ARHGEF2: variants seen among roughly 807,000 people sequenced by gnomAD.
ARHGEF2 encodes Rho/Rac guanine nucleotide exchange factor 2, also known as rho guanine nucleotide exchange factor 2.
In ARHGEF2, 22 loss-of-function variants were observed where a neutral mutation model predicts 121.0. The ratio of observed to expected loss-of-function variants is 0.18; its 90% CI spans 0.13 to 0.26. ARHGEF2 has a LOEUF of 0.26. Among genes scored for constraint, ARHGEF2 ranks in the 10% least tolerant of loss-of-function variants. The pLI, the probability that ARHGEF2 is intolerant of heterozygous loss-of-function variation, is 1.00. For synonymous variants in ARHGEF2, 487 were observed against 530.0 expected (o/e 0.92, Z 1.11); for missense variants, 907 against 1,336.0 (o/e 0.68, Z 5.01).
At position 155,978,441 on chromosome 1, in the gene ARHGEF2, G is replaced by C. The variant is rs775452481; in HGVS notation, c.-14C>G. 6.8e-7 allele frequency: 1 copy of C among 1,474,946 alleles called. No homozygotes were observed. Among genetic ancestry groups the C allele is most frequent in the Non-Finnish European group, 9.1e-7 (1 of 1,097,726 alleles). The allele number at this position is 1,474,946 out of a possible 1,614,324, so 91.4% of individuals were successfully genotyped here. A position where few individuals can be genotyped will look rare whatever the true frequency, so the allele number is the denominator to read the frequency against. On this transcript the variant is annotated 5_prime_UTR_variant, in exon 1 of 22. Transcript: ENST00000361247. This position sits in a 1 kb window ranked among gnomAD's most constrained non-coding sequence, Gnocchi z 4.1. ...GATCCGAGACATAATCGGACGGGGG[G>C]ACCAGGGAGGACGCGGCGCGGACCC...
intron 7 of ARHGEF2, among the ~76,000 whole-genome samples, chr1:155,964,167 A>AAATAT (rs1553244640): frequency 5.5e-5 from 5 of 91,212 alleles, no homozygotes; most frequent in African/African-American, 2.4e-4. Context: ...AAAAAAAAAA[A>AAATAT]ATATATATAT....
chr1:155,960,063 A>G (rs2102654017), intron 11 of ARHGEF2, among the ~76,000 whole-genome samples: 1 of 152,104 alleles, frequency 6.6e-6, no homozygotes, highest in East Asian at 1.9e-4. Flanking sequence ...CCCTGCTTCA[A>G]TTTCTTTCTC....
At position 155,947,471 on chromosome 1, in the gene ARHGEF2, G is replaced by A. The variant is rs900756421; in HGVS notation, c.*471C>T. On this transcript the variant is annotated 3_prime_UTR_variant, in exon 22 of 22. Transcript: ENST00000361247. ...TGCCCACAGCCCTCCTTTATTTAAA[G>A]GGCAGTAGGGTGCTGTGGCTGCAGC... is the stretch of plus-strand genomic sequence containing the variant. 2.2e-6 allele frequency: 1 copy of A among 454,462 alleles called. No homozygotes were observed. Among genetic ancestry groups the A allele is most frequent in the Non-Finnish European group, 4.4e-6 (1 of 225,904 alleles). 28.2% of individuals were successfully genotyped at this position (454,462 alleles called of 1,614,324 possible). A position where few individuals can be genotyped will look rare whatever the true frequency, so the allele number is the denominator to read the frequency against.
chr1:155,978,411 G>A lies in ARHGEF2; in HGVS notation c.17C>T (p.Ser6Phe). The change falls in exon 1 of 22, where the codon TCC (serine) becomes TTC (phenylalanine). Residue 6 changes from serine (S) to phenylalanine (F), a missense_variant. Around this residue, in one of 2 missense-constraint regions of ARHGEF2, gnomAD observed 475 missense variants for 776.5 expected, o/e 0.61. Transcript: ENST00000361247. This position sits in a 1 kb window ranked among gnomAD's most constrained non-coding sequence, Gnocchi z 4.1. Reference sequence around the variant, plus strand: ...CCGGTCGATCCGCGCCCGCGTGAGGGATTCGATCCGAGACATAATCGGACG... The same window carrying A: ...CCGGTCGATCCGCGCCCGCGTGAGGAATTCGATCCGAGACATAATCGGACG... MSRIE[S>F]LTRARIDRSR... 6.6e-7 allele frequency: 1 copy of A among 1,516,280 alleles called. No individual in the cohort carries two copies. Among genetic ancestry groups the A allele is most frequent in the Non-Finnish European group, 8.9e-7 (1 of 1,122,610 alleles). 93.9% of individuals were successfully genotyped at this position (1,516,280 alleles called of 1,614,324 possible). A position where few individuals can be genotyped will look rare whatever the true frequency, so the allele number is the denominator to read the frequency against.
At chr1:155,958,271 G>T in intron 12 of ARHGEF2, 49 bp downstream of exon 12, 1 of 1,521,554 alleles carries the variant, frequency 6.6e-7, no homozygotes, top group South Asian at 1.1e-5. Context: ...AGCAAGAAGA[G>T]ACTAAAACAC....
intron 1 of ARHGEF2, among the ~76,000 whole-genome samples, chr1:155,975,865 G>C (rs1681210503): frequency 6.6e-6 from 1 of 152,158 alleles, no homozygotes; most frequent in Non-Finnish European, 1.5e-5. Context: ...GGGAAGAACA[G>C]GGGACTAAAG....
chr1:155,968,945 A>G (rs374550417), intron 2 of ARHGEF2: 3 of 588,142 alleles, frequency 5.1e-6, no homozygotes, highest in South Asian at 2.2e-5. Context: ...CCACATTCCC[A>G]GATAGTCCGG....
At chr1:155,949,370 A>G (rs1216807910) in intron 21 of ARHGEF2, among the ~76,000 whole-genome samples, 1 of 152,172 alleles carries the variant, frequency 6.6e-6, no homozygotes, top group Non-Finnish European at 1.5e-5. Flanking sequence ...TCATGAGGTC[A>G]AGAGATTGAG....
chr1:155,964,484 GAC>G (rs1216979430), intron 7 of ARHGEF2, among the ~76,000 whole-genome samples: 1 of 151,902 alleles, frequency 6.6e-6, no homozygotes, highest in East Asian at 1.9e-4. Flanking sequence ...AAAGACTGAA[GAC>G]AGAGATAAAG....
upstream of ARHGEF2, chr1:155,979,195 A>G (rs1572224691): frequency 7.1e-6 from 7 of 984,918 alleles, no homozygotes; most frequent in Admixed American, 1.8e-4. Flanking sequence ...GGCCTTCCTG[A>G]CCCCACTCTG....
Position 155,951,616 on chromosome 1 carries a change from A to C in ARHGEF2, c.2209-83T>G. 6.2e-7 allele frequency: 1 copy of C among 1,608,256 alleles called. No individual in the cohort carries two copies. Among genetic ancestry groups the C allele is most frequent in the Non-Finnish European group, 8.5e-7 (1 of 1,174,806 alleles). ...AAGTTGAACAAGGGTGGGTGTGGGG[A>C]CAGTAGGATCCGGAGACATACTTGA... On this transcript the variant is annotated intron_variant, in intron 18 of 21. Coordinates refer to ENST00000361247, the MANE Select transcript of ARHGEF2 (RefSeq NM_001162383.2). The surrounding 1 kb of genome is among the most constrained non-coding windows in gnomAD (Gnocchi z 5.1).
intron 11 of ARHGEF2, among the ~76,000 whole-genome samples, chr1:155,960,085 C>T (rs780005789): frequency 6.6e-6 from 1 of 152,114 alleles, no homozygotes; most frequent in South Asian, 2.1e-4. Flanking sequence ...GCTTCACACT[C>T]CAAGCTCTCA....
rs148865279 is a variant in ARHGEF2 at position 155,963,132 on chromosome 1, C to A, written c.776G>T (p.Arg259Leu). ...TTCCAGCATCCCCGTGCGGAAGAGG[C>A]GGGTCATGATCTTCAGTGTCCTCAC... ...HHVRTLKIMT[R>L]LFRTGMLEEL... Residue 259 changes from arginine to leucine, a missense_variant, in exon 8 of 22, where the codon CGC (arginine) becomes CTC (leucine). Around this residue, in one of 2 missense-constraint regions of ARHGEF2, gnomAD observed 475 missense variants for 776.5 expected, o/e 0.61. Coordinates refer to ENST00000361247, the MANE Select transcript of ARHGEF2 (RefSeq NM_001162383.2). 4 of 1,613,376 alleles carry A rather than the reference C, an allele frequency of 2.5e-6. No homozygotes were observed. Among genetic ancestry groups the A allele is most frequent in the Non-Finnish European group, 3.4e-6 (4 of 1,179,928 alleles).
In ARHGEF2 at chr1:155,950,679, T is replaced by C; in HGVS notation, c.2703+150A>G. 1 of 1,009,002 alleles carries C rather than the reference T, an allele frequency of 9.9e-7. No individual in the cohort carries two copies. The highest frequency in any genetic ancestry group is 1.5e-6 in the Non-Finnish European group (1 of 684,272). The allele number at this position is 1,009,002 out of a possible 1,614,324, so 62.5% of individuals were successfully genotyped here. A position where few individuals can be genotyped will look rare whatever the true frequency, so the allele number is the denominator to read the frequency against. On this transcript the variant is annotated intron_variant, in intron 20 of 21. Coordinates refer to ENST00000361247, the MANE Select transcript of ARHGEF2 (RefSeq NM_001162383.2). This position sits in a 1 kb window ranked among gnomAD's most constrained non-coding sequence, Gnocchi z 5.2. Reference sequence around the variant, plus strand: ...CTCCACCCCTGCACCCATCTACATTTCTTTTCAGTTCTCCAACCAGTATCT... The same window carrying C: ...CTCCACCCCTGCACCCATCTACATTCCTTTTCAGTTCTCCAACCAGTATCT...
chr1:155,974,040 A>G (rs1407791148), intron 1 of ARHGEF2, among the ~76,000 whole-genome samples: 1 of 151,400 alleles, frequency 6.6e-6, no homozygotes, highest in East Asian at 1.9e-4. Context: ...TTTTTTTAAT[A>G]ATAGATTTTA....
In ARHGEF2 at chr1:155,951,215, G is replaced by A. The variant is rs755491052; in HGVS notation, c.2317C>T (p.Arg773Trp). 17 of 1,611,152 alleles carry A rather than the reference G, an allele frequency of 1.1e-5. No individual in the cohort carries two copies. Among genetic ancestry groups the A allele is most frequent in the African/African-American group, 6.7e-5 (5 of 74,902 alleles). The change falls in exon 20 of 22, where the codon CGG (arginine) becomes TGG (tryptophan). Residue 773 changes from arginine to tryptophan, a missense_variant. Arg to Trp is a moderately radical substitution (Grantham distance 101, BLOSUM62 -3). Transcript: ENST00000361247. The surrounding 1 kb of genome is among the most constrained non-coding windows in gnomAD (Gnocchi z 5.1). ...TTGGCTCGGCACAGCTTCTCCCGCC[G>A]CTCAGGGCCCTCAGGGAACCGGGCT... ...MEARFPEGPERREKLCRANSR... is the reference protein window; with the variant it reads ...MEARFPEGPEWREKLCRANSR...
At position 155,957,817 on chromosome 1, in the gene ARHGEF2, C is replaced by T. The variant is rs998209294; in HGVS notation, c.1611G>A (p.Gly537=). 5 of 1,614,242 alleles carry T rather than the reference C, an allele frequency of 3.1e-6. No homozygotes were observed. The Admixed American group carries it at 5.0e-5, about 16-fold the overall frequency. The change falls in exon 13 of 22, where the codon GGG becomes GGA. Residue 537 remains glycine, a synonymous_variant. Coordinates refer to ENST00000361247, the MANE Select transcript of ARHGEF2 (RefSeq NM_001162383.2). Reference sequence around the variant, plus strand: ...GTGGGGCTGCGCTGATCAGAAACATCCCTTTCTCCTGGTTGGCAATGTCTC... The same window carrying T: ...GTGGGGCTGCGCTGATCAGAAACATTCCTTTCTCCTGGTTGGCAATGTCTC... ...IVRDIANQEK[G]MFLISAAPPE...
intron 2 of ARHGEF2, among the ~76,000 whole-genome samples, chr1:155,967,599 C>T (rs114940022): frequency 0.018 from 2,707 of 152,244 alleles, 36 homozygotes; most frequent in Middle Eastern, 0.027. Flanking sequence ...GGACAGGCAA[C>T]TCCCCACCAA....
upstream of ARHGEF2, chr1:155,978,875 C>A: frequency 1.0e-6 from 1 of 988,240 alleles, no homozygotes. The surrounding 1 kb of genome is among the most constrained non-coding windows in gnomAD (Gnocchi z 4.1). Flanking sequence ...CTTCCCTTCT[C>A]CCCTCGCCCT....
Sources: allele counts gnomAD v4.1 joint callset (sites outside exome capture counted in the v4.1 genomes callset), GRCh38; gene constraint gnomAD v4.1.1; regional missense constraint gnomAD v4.1.1; non-coding constraint Gnocchi (gnomAD v3.1); transcripts MANE v1.5; gene names NCBI Gene and HGNC (gene_info 2026-07-23, HGNC 2026-07-21).